Variants in GPR137B observed in about 807,000 individuals in gnomAD.
GPR137B encodes the protein integral membrane protein GPR137B.
Under a neutral mutation model 42.5 loss-of-function variants are expected in GPR137B, and 42 were observed. That is an observed-to-expected ratio of 0.99 (90% CI 0.77 to 1.28). The LOEUF (loss-of-function observed/expected upper bound fraction) is 1.28. Among genes scored for constraint, GPR137B ranks in the 50% most tolerant of loss-of-function variants. The probability of loss-of-function intolerance (pLI) is 0.00; values close to 1 mark genes in which losing one functional copy is unlikely to be tolerated. For missense variants in GPR137B, 487 were observed against 493.9 expected, an observed-to-expected ratio of 0.99 and a Z score of 0.13; for synonymous variants, 218 against 209.7, an observed-to-expected ratio of 1.04 and a Z score of -0.34.
At chr1:236,165,959 C>G (rs1388013255) in intron 1 of GPR137B, among the ~76,000 whole-genome samples, 1 of 152,112 alleles carries the variant, frequency 6.6e-6, no homozygotes, top group South Asian at 2.1e-4. Context: ...GTATGGTGGC[C>G]AGGAGCGCTG....
At chr1:236,158,825 C>T (rs576862742) in intron 1 of GPR137B, among the ~76,000 whole-genome samples, 1 of 152,278 alleles carries the variant, frequency 6.6e-6, no homozygotes, top group South Asian at 2.1e-4. Flanking sequence ...GATGTGGGTC[C>T]TGGCTTAGGG....
intron 1 of GPR137B, among the ~76,000 whole-genome samples, chr1:236,163,422 T>A (rs1012630158): frequency 3.7e-4 from 56 of 152,188 alleles, no homozygotes; most frequent in African/African-American, 1.3e-3. Flanking sequence ...TGGGAAGGCA[T>A]GATTGGTTTT....
intron 5 of GPR137B, among the ~76,000 whole-genome samples, chr1:236,200,639 T>A (rs1663059918): frequency 6.6e-6 from 1 of 152,094 alleles, no homozygotes; most frequent in South Asian, 2.1e-4. Context: ...AAGTCTATTT[T>A]GTCTGATAAA....
chr1:236,178,785 G>GGTTTTTTTTTTTTTTTTTTTT (rs1662771288), intron 3 of GPR137B, 149 bp downstream of exon 3: 1 of 48,310 alleles, frequency 2.1e-5, no homozygotes, highest in African/African-American at 6.6e-5. Flanking sequence ...GCTACTCGAG[G>GGTTTTTTTTTTTTTTTTTTTT]TTTTTTTTTT....
intron 5 of GPR137B, among the ~76,000 whole-genome samples, chr1:236,189,695 G>A (rs993136623): frequency 2.6e-5 from 4 of 152,008 alleles, no homozygotes; most frequent in Non-Finnish European, 4.4e-5. Flanking sequence ...TATGATTTCT[G>A]TTCTTTTGCA....
chr1:236,169,146 C>T (rs1297272939), intron 2 of GPR137B, among the ~76,000 whole-genome samples: 1 of 151,280 alleles, frequency 6.6e-6, no homozygotes. Context: ...CTTCCCCTTC[C>T]CCATCCCGCA....
intron 5 of GPR137B, among the ~76,000 whole-genome samples, chr1:236,192,888 C>CT (rs1206966880): frequency 1.6e-5 from 2 of 127,632 alleles, no homozygotes; most frequent in Non-Finnish European, 3.1e-5. Context: ...TCATTTCAAG[C>CT]TTTTTTTGTT....
intron 2 of GPR137B, among the ~76,000 whole-genome samples, chr1:236,170,240 T>C (rs1662494967): frequency 6.6e-6 from 1 of 152,062 alleles, no homozygotes; most frequent in Non-Finnish European, 1.5e-5. Context: ...AAATGAAAAA[T>C]TATTTTGTCA....
intron 1 of GPR137B, among the ~76,000 whole-genome samples, chr1:236,165,734 C>T (rs1450651733): frequency 6.6e-6 from 1 of 152,192 alleles, no homozygotes; most frequent in Admixed American, 6.5e-5. Flanking sequence ...GTATGTTTCT[C>T]TTGAAGATTG....
chr1:236,191,862 A>C (rs1401929191), intron 5 of GPR137B, among the ~76,000 whole-genome samples: 1 of 152,176 alleles, frequency 6.6e-6, no homozygotes, highest in Non-Finnish European at 1.5e-5. Context: ...CTGTGCTGAG[A>C]GATCTCCTTC....
In GPR137B at chr1:236,208,254, A is replaced by G; in HGVS notation, c.*96A>G. 1 of 1,519,796 alleles carries G rather than the reference A, an allele frequency of 6.6e-7. No homozygotes were observed. Among genetic ancestry groups the G allele is most frequent in the East Asian group, 2.4e-5 (1 of 41,472 alleles). 94.1% of individuals were successfully genotyped at this position (1,519,796 alleles called of 1,614,324 possible). A position where few individuals can be genotyped will look rare whatever the true frequency, so the allele number is the denominator to read the frequency against. ...TTTAGGGCACTTTTCCTTAAGAAAT[A>G]GAACTTGATTTTTATTTGTTACAGG... On this transcript the variant is annotated 3_prime_UTR_variant, in exon 7 of 7. Coordinates refer to ENST00000366592, the MANE Select transcript of GPR137B (RefSeq NM_003272.4).
rs1661550764 is a variant in GPR137B, at chr1:236,142,586, G to T, written c.-37G>T. ...GGCTGCAGGCTGAGCGCGATGCGCG[G>T]AGACCCCCGCGGGGGCGGCGGCGGC... On this transcript the variant is annotated 5_prime_UTR_variant, in exon 1 of 7. Coordinates refer to ENST00000366592, the MANE Select transcript of GPR137B (RefSeq NM_003272.4). The T allele has an allele frequency of 8.1e-7, 1 of 1,239,050 alleles. No individual in the cohort carries two copies. Among genetic ancestry groups the T allele is most frequent in the Non-Finnish European group, 1.0e-6 (1 of 978,808 alleles). 76.8% of individuals were successfully genotyped at this position (1,239,050 alleles called of 1,614,324 possible). A position where few individuals can be genotyped will look rare whatever the true frequency, so the allele number is the denominator to read the frequency against.
rs1430218427 is a variant in GPR137B at position 236,142,688 on chromosome 1, C to T, written c.66C>T (p.Asp22=). ...GCCCGATGGAGACCCCGCCGTGGGA[C>T]CCAGCCCGCAACGACTCGCTGCCGC... The part of the protein sequence containing the change: ...APGPMETPPW[D]PARNDSLPPT... Residue 22 remains aspartate, a synonymous_variant, in exon 1 of 7, where the codon GAC becomes GAT. Coordinates refer to ENST00000366592, the MANE Select transcript of GPR137B (RefSeq NM_003272.4). 1 of 1,576,380 alleles carries T rather than the reference C, an allele frequency of 6.3e-7. No homozygotes were observed. The highest frequency in any genetic ancestry group is 2.3e-5 in the East Asian group (1 of 42,966).
rs540486926 is a variant in GPR137B, at chr1:236,170,098, G to A, written c.464+1343G>A. Among the ~76,000 whole-genome samples, 222 of 148,620 alleles carry A rather than the reference G, an allele frequency of 1.5e-3. 1 individual carries two copies. The highest frequency in any genetic ancestry group is 4.9e-3 in the African/African-American group (198 of 40,276). ...AGGTTTGACTGGGGTTGGGGGAGGA[G>A]AACAGGCCTCTGGAAGAGGCGCGGG... On this transcript the variant is annotated intron_variant, in intron 2 of 6. Transcript: ENST00000366592.
chr1:236,160,105 T>G (rs1469142256), intron 1 of GPR137B, among the ~76,000 whole-genome samples: 2 of 152,220 alleles, frequency 1.3e-5, no homozygotes, highest in African/African-American at 4.8e-5. Context: ...AATTTGCCAT[T>G]AGGGAGAAAT....
chr1:236,183,117 T>G (rs765896197), intron 4 of GPR137B, among the ~76,000 whole-genome samples: 1 of 152,202 alleles, frequency 6.6e-6, no homozygotes, highest in Non-Finnish European at 1.5e-5. Context: ...CTGTCTGTTC[T>G]GAAGAGAGAA....
chr1:236,144,433 CA>C (rs944531751), intron 1 of GPR137B, among the ~76,000 whole-genome samples: 1 of 151,636 alleles, frequency 6.6e-6, no homozygotes, highest in African/African-American at 2.4e-5. Context: ...AACAAACAAA[CA>C]AAAAAAACAA....
At chr1:236,195,257 C>G (rs1663301426) in intron 5 of GPR137B, among the ~76,000 whole-genome samples, 1 of 151,908 alleles carries the variant, frequency 6.6e-6, no homozygotes, top group Non-Finnish European at 1.5e-5. Context: ...CATACTCTCC[C>G]CCCGCCACTA....
intron 2 of GPR137B, among the ~76,000 whole-genome samples, chr1:236,176,511 T>C (rs546348147): frequency 6.6e-6 from 1 of 152,198 alleles, no homozygotes; most frequent in Admixed American, 6.5e-5. Flanking sequence ...CTGCCTCATC[T>C]TCATCCCACT....
Sources: allele counts gnomAD v4.1 joint callset (sites outside exome capture counted in the v4.1 genomes callset), GRCh38; gene constraint gnomAD v4.1.1; transcripts MANE v1.5; gene names NCBI Gene and HGNC (gene_info 2026-07-23, HGNC 2026-07-21).